The following MALRD1 variants were observed in gnomAD, a reference collection of about 807,000 sequenced individuals.
MALRD1 encodes MAM and LDL receptor class A domain containing 1, also known as MAM and LDL-receptor class A domain-containing protein 1.
In MALRD1, 247 loss-of-function variants were observed where a neutral mutation model predicts 242.1. The observed-to-expected ratio is 1.02, with a 90% CI of 0.92 to 1.13. MALRD1 has a LOEUF of 1.13. Ranked by LOEUF, MALRD1 falls within the 50% of genes most tolerant of loss-of-function variation. The pLI is 0.00. For missense variants in MALRD1, 2,989 were observed against 2,533.1 expected, an observed-to-expected ratio of 1.18 and a Z score of -3.86; for synonymous variants, 995 against 866.6, an observed-to-expected ratio of 1.15 and a Z score of -2.60.
At chr10:19,651,157 AT>A (rs1299024934) in intron 36 of MALRD1, among the ~76,000 whole-genome samples, 1 of 152,218 alleles carries the variant, frequency 6.6e-6, no homozygotes, top group African/African-American at 2.4e-5. Flanking sequence ...AGTCCAAAGA[AT>A]TTAGTTACTA....
intron 33 of MALRD1, among the ~76,000 whole-genome samples, chr10:19,589,721 T>C (rs1837661058): frequency 6.6e-6 from 1 of 152,218 alleles, no homozygotes; most frequent in Admixed American, 6.5e-5. Flanking sequence ...TTCTCATCTC[T>C]TTCCCTCCAT....
intron 7 of MALRD1, among the ~76,000 whole-genome samples, chr10:19,125,267 CTCTT>C (rs200758216): frequency 0.028 from 3,815 of 134,174 alleles, 219 homozygotes; most frequent in Middle Eastern, 0.035. Context: ...CTCTTTCTTT[CTCTT>C]TCTTTCTTTC....
At chr10:19,663,335 G>C (rs1298404241) in intron 36 of MALRD1, among the ~76,000 whole-genome samples, 1 of 152,070 alleles carries the variant, frequency 6.6e-6, no homozygotes, top group East Asian at 1.9e-4. Context: ...GTTCATCCAT[G>C]TTGCTGCAAA....
intron 29 of MALRD1, among the ~76,000 whole-genome samples, chr10:19,479,833 T>C (rs1836906459): frequency 6.6e-6 from 1 of 152,192 alleles, no homozygotes; most frequent in Admixed American, 6.5e-5. Flanking sequence ...ATCCCACTGA[T>C]CATGACTTTT....
chr10:19,508,175 T>C (rs1343593190), intron 31 of MALRD1, among the ~76,000 whole-genome samples: 1 of 152,168 alleles, frequency 6.6e-6, no homozygotes, highest in Non-Finnish European at 1.5e-5. Context: ...ATAAAGATGC[T>C]TTCATTAGTG....
intron 2 of MALRD1, among the ~76,000 whole-genome samples, chr10:19,076,452 G>A (rs781467548): frequency 9.9e-5 from 15 of 151,834 alleles, no homozygotes; most frequent in Non-Finnish European, 1.8e-4. Flanking sequence ...TTATACTTAG[G>A]TCTTTAATCC....
In MALRD1 at chr10:19,231,562, G is replaced by C. The variant is rs553411442; in HGVS notation, c.2991+21882G>C. On this transcript the variant is annotated intron_variant, in intron 18 of 39. Coordinates refer to ENST00000454679, the MANE Select transcript of MALRD1 (RefSeq NM_001142308.3). The stretch of plus-strand genomic sequence containing the variant: ...GGCGGTTTCCCCCTGCTGTTCTCGT[G>C]GTAGTGAATAAGTCTCATGAGATCT... Among the ~76,000 whole-genome samples, 10 of 151,640 alleles carry C rather than the reference G, an allele frequency of 6.6e-5. No homozygotes were observed. The East Asian group carries it at 1.9e-3, about 30-fold the overall frequency.
intron 4 of MALRD1, among the ~76,000 whole-genome samples, chr10:19,101,999 CAT>C (rs903268058): frequency 1.5e-4 from 20 of 137,094 alleles, no homozygotes; most frequent in East Asian, 6.4e-4. Context: ...ATAATTATAA[CAT>C]ATATCTATAT....
intron 27 of MALRD1, 32 bp from the exon 28 acceptor site, chr10:19,389,420 C>T (rs952811440): frequency 8.4e-6 from 13 of 1,543,492 alleles, no homozygotes; most frequent in Non-Finnish European, 1.1e-5. Flanking sequence ...ATTGTTATTT[C>T]GTTCTTCTCT....
chr10:19,116,727 T>C (rs1307588076), intron 5 of MALRD1, among the ~76,000 whole-genome samples: 1 of 152,128 alleles, frequency 6.6e-6, no homozygotes, highest in Non-Finnish European at 1.5e-5. Context: ...TAATCATGTA[T>C]CACTGATGGA....
intron 18 of MALRD1, among the ~76,000 whole-genome samples, chr10:19,233,990 G>C (rs937297110): frequency 6.6e-6 from 1 of 151,792 alleles, no homozygotes. Flanking sequence ...TTGATAATTG[G>C]TGCTGTATAT....
chr10:19,666,511 T>C (rs1031136679), intron 36 of MALRD1, among the ~76,000 whole-genome samples: 2 of 152,214 alleles, frequency 1.3e-5, no homozygotes, highest in Non-Finnish European at 2.9e-5. Flanking sequence ...TTTTTACATA[T>C]TTCATAATTT....
intron 21 of MALRD1, among the ~76,000 whole-genome samples, chr10:19,310,187 A>G (rs182090314): frequency 4.6e-5 from 7 of 151,610 alleles, no homozygotes; most frequent in Non-Finnish European, 5.9e-5. Context: ...GGGTCATAAA[A>G]GAGACAGGAA....
At chr10:19,554,907 C>T (rs1191624038) in intron 32 of MALRD1, among the ~76,000 whole-genome samples, 1 of 152,032 alleles carries the variant, frequency 6.6e-6, no homozygotes, top group South Asian at 2.1e-4. Flanking sequence ...TGGGTATATA[C>T]CCACTAATGG....
chr10:19,510,799 A>G (rs1409912502), intron 31 of MALRD1, among the ~76,000 whole-genome samples: 1 of 152,234 alleles, frequency 6.6e-6, no homozygotes, highest in East Asian at 1.9e-4. Flanking sequence ...TAAGAATCAT[A>G]TGAATTAAAA....
intron 36 of MALRD1, among the ~76,000 whole-genome samples, chr10:19,662,102 T>C (rs1430978695): frequency 6.6e-6 from 1 of 152,092 alleles, no homozygotes; most frequent in East Asian, 1.9e-4. Flanking sequence ...TATGAAAGAG[T>C]ATAATTATTA....
chr10:19,171,867 T>C (rs1272208394), intron 13 of MALRD1, among the ~76,000 whole-genome samples: 1 of 144,712 alleles, frequency 6.9e-6, no homozygotes, highest in Non-Finnish European at 1.5e-5. Context: ...TATATACATA[T>C]ATACACGTAT....
intron 28 of MALRD1, among the ~76,000 whole-genome samples, chr10:19,407,016 A>G (rs1241958511): frequency 6.6e-6 from 1 of 152,088 alleles, no homozygotes; most frequent in Admixed American, 6.5e-5. Context: ...TTAAATGAGG[A>G]GAGGACTGTC....
intron 36 of MALRD1, among the ~76,000 whole-genome samples, chr10:19,659,586 TCTGC>T (rs1231670888): frequency 6.6e-6 from 1 of 152,198 alleles, no homozygotes; most frequent in Non-Finnish European, 1.5e-5. Context: ...TCACCAGTTG[TCTGC>T]CTCATAAAAG....
Sources: allele counts gnomAD v4.1 joint callset (sites outside exome capture counted in the v4.1 genomes callset), GRCh38; gene constraint gnomAD v4.1.1; transcripts MANE v1.5; gene names NCBI Gene and HGNC (gene_info 2026-07-23, HGNC 2026-07-21).